The following TPM4 variants were observed in gnomAD, a reference collection of about 807,000 sequenced individuals.
TPM4 encodes tropomyosin alpha-4 chain.
TPM4 carries 17 observed loss-of-function variants against 35.8 expected under a neutral mutation model. That is an observed-to-expected ratio of 0.47 (90% CI 0.32 to 0.71). TPM4 has a LOEUF of 0.71. Ranked by LOEUF, TPM4 falls within the 30% of genes least tolerant of loss-of-function variation. The probability of loss-of-function intolerance (pLI) is 0.03; values close to 1 mark genes in which losing one functional copy is unlikely to be tolerated. For missense variants in TPM4, 240 were observed against 320.9 expected (o/e 0.75, Z 1.93); for synonymous variants, 120 against 122.9 (o/e 0.98, Z 0.15).
chr19:16,082,398 C>G (rs1346038143), intron 2 of TPM4, among the ~76,000 whole-genome samples: 1 of 152,204 alleles, frequency 6.6e-6, no homozygotes, highest in Non-Finnish European at 1.5e-5. Flanking sequence ...GTAATCCCAG[C>G]TACTCAGGAG....
At chr19:16,073,963 C>CAAAACAAAAAAAA (rs1568298140), upstream of TPM4, among the ~76,000 whole-genome samples, 1 of 71,886 alleles carries the variant, frequency 1.4e-5, no homozygotes, top group Non-Finnish European at 2.5e-5. Context: ...AAAAAAAACG[C>CAAAACAAAAAAAA]AAAAAAAAAA....
chr19:16,085,856 G>A (rs1038411243), intron 2 of TPM4, among the ~76,000 whole-genome samples: 10 of 152,050 alleles, frequency 6.6e-5, no homozygotes, highest in African/African-American at 1.9e-4. Context: ...ATCACTTGAG[G>A]TCAGGAGTTC....
intron 2 of TPM4, among the ~76,000 whole-genome samples, chr19:16,083,150 C>G (rs529116394): frequency 6.6e-6 from 1 of 152,226 alleles, no homozygotes; most frequent in East Asian, 1.9e-4. Flanking sequence ...AATGTACTTG[C>G]AACTGACCAT....
At chr19:16,076,721 C>A (rs971508363) in intron 1 of TPM4, 24 bp downstream of exon 1, 2 of 1,315,938 alleles carry the variant, frequency 1.5e-6, no homozygotes, top group African/African-American at 1.5e-5. Flanking sequence ...CCTCGGGCCC[C>A]GCACCCGCAG....
chr19:16,073,064 C>T (rs1384119182), upstream of TPM4, among the ~76,000 whole-genome samples: 1 of 152,014 alleles, frequency 6.6e-6, no homozygotes, highest in Non-Finnish European at 1.5e-5. Context: ...CCCAAACCAG[C>T]CAGGTGGGGT....
upstream of TPM4, among the ~76,000 whole-genome samples, chr19:16,071,734 T>A (rs1405393195): frequency 6.6e-6 from 1 of 152,162 alleles, no homozygotes; most frequent in Non-Finnish European, 1.5e-5. Flanking sequence ...GCCAGCCTGA[T>A]CCCAGCAGCC....
At chr19:16,084,345 C>T (rs751133977) in intron 2 of TPM4, among the ~76,000 whole-genome samples, 22 of 152,222 alleles carry the variant, frequency 1.4e-4, no homozygotes, top group Non-Finnish European at 3.1e-4. Flanking sequence ...GCAGAGGGAA[C>T]AGACGCTACT....
intron 7 of TPM4, among the ~76,000 whole-genome samples, chr19:16,098,748 C>G (rs2090730575): frequency 6.6e-6 from 1 of 151,932 alleles, no homozygotes; most frequent in Non-Finnish European, 1.5e-5. Flanking sequence ...TGAGACCAAT[C>G]TGGGCAATAT....
chr19:16,084,377 GA>G (rs1425810086), intron 2 of TPM4, among the ~76,000 whole-genome samples: 4 of 152,362 alleles, frequency 2.6e-5, no homozygotes, highest in Admixed American at 6.5e-5. Flanking sequence ...TTCAGCCACT[GA>G]ATCAAGGGAG....
Position 16,067,824 on chromosome 19 carries a change from G to A in TPM4, c.114+86G>A. The stretch of plus-strand genomic sequence containing the variant: ...GGGGTCTGGAGCCCAGTTGGGGGTC[G>A]CAGACACCTGCGGGAGGATAGGAGG... On this transcript the variant is annotated intron_variant, in intron 2 of 2. Transcript: ENST00000589897. The surrounding 1 kb of genome is among the most constrained non-coding windows in gnomAD (Gnocchi z 4.1). 3 of 1,255,888 alleles carry A rather than the reference G, an allele frequency of 2.4e-6. No individual in the cohort carries two copies. The highest frequency in any genetic ancestry group is 2.2e-6 in the Non-Finnish European group (2 of 903,514). 77.8% of individuals were successfully genotyped at this position (1,255,888 alleles called of 1,614,324 possible).
Position 16,076,705 on chromosome 19 carries a change from C to T in TPM4, c.132+8C>T. 3 of 1,334,370 alleles carry T rather than the reference C, an allele frequency of 2.2e-6. No individual in the cohort carries two copies. Among genetic ancestry groups the T allele is most frequent in the African/African-American group, 3.1e-5 (2 of 65,030 alleles). 82.7% of individuals were successfully genotyped at this position (1,334,370 alleles called of 1,614,324 possible). A position where few individuals can be genotyped will look rare whatever the true frequency, so the allele number is the denominator to read the frequency against. On this transcript the variant is annotated splice_region_variant and intron_variant, in intron 1 of 7. Coordinates refer to ENST00000643579, the MANE Select transcript of TPM4 (RefSeq NM_003290.3). ...CGCGAGCGGCGCGAGAAAGTGAGCG[C>T]CCCGGCCTCGGGCCCCGCACCCGCA...
intron 2 of TPM4, among the ~76,000 whole-genome samples, chr19:16,069,869 A>AG (rs1191101353): frequency 1.3e-5 from 2 of 151,580 alleles, no homozygotes; most frequent in South Asian, 2.1e-4. Flanking sequence ...TATGGATGTG[A>AG]GGGGGGCTGT....
chr19:16,086,688 A>G, intron 3 of TPM4, 148 bp downstream of exon 3: 1 of 649,390 alleles, frequency 1.5e-6, no homozygotes, highest in South Asian at 2.0e-5. Context: ...AGAGACAACC[A>G]CTTGGCTAGG....
Position 16,067,741 on chromosome 19 carries a change from G to A in TPM4, c.114+3G>A. 6.2e-7 allele frequency: 1 copy of A among 1,611,312 alleles called. No homozygotes were observed. Among genetic ancestry groups the A allele is most frequent in the Non-Finnish European group, 8.5e-7 (1 of 1,179,340 alleles). ...CCGCTGAGGACAAGTGCAAGCAGGT[G>A]AGGTGCCCTCCGCTGGGCCGCTCCG... On this transcript the variant is annotated splice_donor_region_variant and intron_variant, in intron 2 of 2. Coordinates refer to the TPM4 transcript ENST00000589897. The surrounding 1 kb of genome is among the most constrained non-coding windows in gnomAD (Gnocchi z 4.1).
At chr19:16,085,851 T>A (rs1364439371) in intron 2 of TPM4, among the ~76,000 whole-genome samples, 2 of 151,844 alleles carry the variant, frequency 1.3e-5, no homozygotes, top group South Asian at 4.2e-4. Context: ...GGCAGATCAC[T>A]TGAGGTCAGG....
rs2090766728 is a variant in TPM4, at chr19:16,101,911, C to T, written c.*565C>T. The T allele has an allele frequency of 4.4e-6, 1 of 226,132 alleles. No individual in the cohort carries two copies. The highest frequency in any genetic ancestry group is 8.8e-6 in the Non-Finnish European group (1 of 113,666). The allele number at this position is 226,132 out of a possible 1,614,324, so 14.0% of individuals were successfully genotyped here. Reference sequence around the variant, plus strand: ...ACCTAAGAATCCTGGCCCTTCTCCACTCTCCACCATGCAGGACAAACATCT... The same window carrying T: ...ACCTAAGAATCCTGGCCCTTCTCCATTCTCCACCATGCAGGACAAACATCT... On this transcript the variant is annotated 3_prime_UTR_variant, in exon 8 of 8. Coordinates refer to ENST00000643579, the MANE Select transcript of TPM4 (RefSeq NM_003290.3).
chr19:16,102,526 G>A lies in TPM4; in HGVS notation c.*1180G>A. 1 of 226,248 alleles carries A rather than the reference G, an allele frequency of 4.4e-6. No homozygotes were observed. Among genetic ancestry groups the A allele is most frequent in the African/African-American group, 2.2e-5 (1 of 45,026 alleles). The allele number at this position is 226,248 out of a possible 1,614,324, so 14.0% of individuals were successfully genotyped here. A position where few individuals can be genotyped will look rare whatever the true frequency, so the allele number is the denominator to read the frequency against. The stretch of plus-strand genomic sequence containing the variant: ...CAGAAAGGGCCTCTCTGGCAGCAGA[G>A]ATTAAAAACTGGCCCAACTTCATTT... On this transcript the variant is annotated 3_prime_UTR_variant, in exon 8 of 8. Transcript: ENST00000643579.
At chr19:16,089,920 G>A (rs56207516) in intron 5 of TPM4, among the ~76,000 whole-genome samples, 22,423 of 151,088 alleles carry the variant, frequency 0.15, 1,966 homozygotes, top group Non-Finnish European at 0.2. Flanking sequence ...GTGAAGTGGC[G>A]TGATCTCAGC....
In TPM4 at chr19:16,088,600, C is replaced by T. The variant is rs1003396699; in HGVS notation, c.456-445C>T. The T allele has an allele frequency of 1.7e-5, 18 of 1,039,196 alleles. No individual in the cohort carries two copies. In the Admixed American group the frequency reaches 3.0e-4, roughly 17 times the overall value. 64.4% of individuals were successfully genotyped at this position (1,039,196 alleles called of 1,614,324 possible). ...GCCCCGGGTGAGGAATTCAGCCCCA[C>T]AGAGCATCCGGGAGTGCTGAGAGAG... is the stretch of plus-strand genomic sequence containing the variant. On this transcript the variant is annotated intron_variant, in intron 4 of 7. Coordinates refer to ENST00000643579, the MANE Select transcript of TPM4 (RefSeq NM_003290.3).
Sources: allele counts gnomAD v4.1 joint callset (sites outside exome capture counted in the v4.1 genomes callset), GRCh38; gene constraint gnomAD v4.1.1; non-coding constraint Gnocchi (gnomAD v3.1); transcripts MANE v1.5; gene names NCBI Gene and HGNC (gene_info 2026-07-23, HGNC 2026-07-21).